MYO16: variants seen among roughly 807,000 people sequenced by gnomAD.
The protein encoded by MYO16 is unconventional myosin-XVI.
Under a neutral mutation model 205.3 loss-of-function variants are expected in MYO16, and 94 were observed. That is an observed-to-expected ratio of 0.46 (90% confidence interval 0.39 to 0.54). The LOEUF is 0.54. MYO16 is among the 20% of genes least tolerant of loss of function. The pLI is 0.00. For missense variants in MYO16, 2,315 were observed against 2,387.5 expected, an observed-to-expected ratio of 0.97 and a Z score of 0.63; for synonymous variants, 988 against 954.0, an observed-to-expected ratio of 1.04 and a Z score of -0.66.
intron 20 of MYO16, among the ~76,000 whole-genome samples, chr13:108,977,852 A>G (rs1415465147): frequency 6.6e-6 from 1 of 152,046 alleles, no homozygotes. Flanking sequence ...TTTTATAATC[A>G]GTTTGACTCT....
intron 7 of MYO16, among the ~76,000 whole-genome samples, chr13:108,814,136 A>C (rs1307621288): frequency 6.6e-6 from 1 of 152,198 alleles, no homozygotes; most frequent in Non-Finnish European, 1.5e-5. Context: ...GAAGCTGTAG[A>C]GAACAGTAGT....
At chr13:109,038,526 G>A (rs950648487) in intron 23 of MYO16, among the ~76,000 whole-genome samples, 20 of 152,116 alleles carry the variant, frequency 1.3e-4, no homozygotes, top group South Asian at 8.3e-4. Context: ...CTACCTTGTC[G>A]ACTTTCCTGG....
At chr13:108,855,291 C>G in intron 10 of MYO16, 152 bp from the exon 11 acceptor site, 87 of 244,758 alleles carry the variant, frequency 3.6e-4, no homozygotes, top group East Asian at 7.3e-4. Context: ...TTTTTTTTTT[C>G]TTTTTCATTG....
intron 2 of MYO16, among the ~76,000 whole-genome samples, chr13:108,689,494 T>G (rs1222778277): frequency 2.0e-5 from 3 of 152,136 alleles, no homozygotes; most frequent in Non-Finnish European, 4.4e-5. Flanking sequence ...GTTAAATCAT[T>G]TTACTTGAGT....
At chr13:109,184,225 GAGA>G (rs932449845) in intron 34 of MYO16, among the ~76,000 whole-genome samples, 1 of 152,002 alleles carries the variant, frequency 6.6e-6, no homozygotes, top group African/African-American at 2.4e-5. Flanking sequence ...GAGCTACAAA[GAGA>G]AGGAGATCTA....
intron 15 of MYO16, among the ~76,000 whole-genome samples, chr13:108,899,873 GCA>G (rs1482569370): frequency 1.4e-4 from 22 of 152,332 alleles, no homozygotes; most frequent in African/African-American, 5.3e-4. Flanking sequence ...TGTTATAGAT[GCA>G]GAATCTGAGG....
At chr13:109,120,639 G>A (rs1429039735) in intron 29 of MYO16, among the ~76,000 whole-genome samples, 173 bp downstream of exon 29, 4 of 152,308 alleles carry the variant, frequency 2.6e-5, no homozygotes, top group African/African-American at 9.6e-5. Context: ...AAGCATTGTG[G>A]CTTAGTTTGC....
intron 32 of MYO16, among the ~76,000 whole-genome samples, chr13:109,159,717 T>C (rs911678361): frequency 2.1e-5 from 3 of 145,834 alleles, no homozygotes; most frequent in African/African-American, 7.3e-5. Context: ...GGTGCTGTTT[T>C]TCAGAAGGTC....
intron 9 of MYO16, among the ~76,000 whole-genome samples, chr13:108,834,673 C>CAT (rs1330578320): frequency 7.3e-6 from 1 of 136,698 alleles, no homozygotes; most frequent in Non-Finnish European, 1.6e-5. Context: ...CTCTCTCACA[C>CAT]ATATATATAT....
At chr13:108,641,182 C>T (rs1280223677) in intron 1 of MYO16, among the ~76,000 whole-genome samples, 3 of 152,120 alleles carry the variant, frequency 2.0e-5, no homozygotes, top group East Asian at 1.9e-4. Context: ...AGAATGCAAA[C>T]GGAAATTTGA....
At chr13:108,708,732 G>T (rs866891186) in intron 2 of MYO16, among the ~76,000 whole-genome samples, 2 of 152,174 alleles carry the variant, frequency 1.3e-5, no homozygotes, top group African/African-American at 4.8e-5. Flanking sequence ...AGATTGCTAT[G>T]CAGTCACATG....
At chr13:108,751,720 AT>A (rs1356944897) in intron 4 of MYO16, among the ~76,000 whole-genome samples, 1 of 152,176 alleles carries the variant, frequency 6.6e-6, no homozygotes, top group Non-Finnish European at 1.5e-5. Context: ...TGTCATGGGA[AT>A]GGCTTTCTAC....
At chr13:108,772,597 A>G (rs1228745468) in intron 4 of MYO16, among the ~76,000 whole-genome samples, 2 of 152,208 alleles carry the variant, frequency 1.3e-5, no homozygotes, top group Non-Finnish European at 2.9e-5. Flanking sequence ...CTTGGAAAAA[A>G]AAAATGCGAT....
chr13:108,658,804 C>A (rs1881358792), intron 1 of MYO16, among the ~76,000 whole-genome samples: 1 of 152,042 alleles, frequency 6.6e-6, no homozygotes. Context: ...TGCTTTATGG[C>A]CTAAGAGACA....
At chr13:109,145,261 T>C (rs1877275580) in intron 32 of MYO16, among the ~76,000 whole-genome samples, 1 of 152,182 alleles carries the variant, frequency 6.6e-6, no homozygotes, top group South Asian at 2.1e-4. Context: ...TCAAAGCTGC[T>C]GTGCTCGTGC....
chr13:109,009,526 G>T (rs1885521248), intron 22 of MYO16, among the ~76,000 whole-genome samples: 2 of 152,066 alleles, frequency 1.3e-5, no homozygotes, highest in Admixed American at 6.6e-5. Context: ...GCATCTGCAG[G>T]TGTTTATAGT....
At chr13:108,807,332 A>G (rs979837516) in intron 7 of MYO16, among the ~76,000 whole-genome samples, 2 of 152,184 alleles carry the variant, frequency 1.3e-5, no homozygotes, top group African/African-American at 4.8e-5. Context: ...TCAGTAGTGT[A>G]ACTATCAAAA....
At chr13:108,581,207 T>C in the MYO16 span, among the ~76,000 whole-genome samples, 21 of 152,304 alleles carry the variant, frequency 1.4e-4, no homozygotes, top group Admixed American at 1.4e-3. Context: ...TGATTTATCA[T>C]TCACTAAAGT....
Position 108,956,501 on chromosome 13 carries a change from C to T in MYO16, c.1926-1187C>T, listed in dbSNP as rs183552363. On this transcript the variant is annotated intron_variant, in intron 16 of 34. Coordinates refer to ENST00000457511, the MANE Select transcript of MYO16 (RefSeq NM_001198950.3). ...GCAAGGCCCTCAGAGCTGCCTGTCA[C>T]TTCCAAGACATGACAAACTCTTTTT... 1.8e-4 allele frequency among the ~76,000 whole-genome samples: 26 copies of T among 145,286 alleles called. No homozygotes were observed. In the East Asian group the frequency reaches 4.7e-3, roughly 26 times the overall value.
Sources: gnomAD v4.1 joint callset for allele counts (sites outside exome capture counted in the v4.1 genomes callset) on GRCh38, gnomAD v4.1.1 for gene constraint, MANE v1.5 for transcripts, NCBI Gene and HGNC (gene_info 2026-07-23, HGNC 2026-07-21) for gene names.